Variants in PRELID2 observed in about 807,000 individuals in gnomAD.
PRELID2 encodes PRELI domain containing 2.
Under a neutral mutation model 28.4 loss-of-function variants are expected in PRELID2, and 25 were observed. The observed-to-expected ratio is 0.88, with a 90% CI of 0.64 to 1.23. The LOEUF (loss-of-function observed/expected upper bound fraction) is 1.23. Among genes scored for constraint, PRELID2 ranks in the 50% most tolerant of loss-of-function variants. The pLI is 0.00. For missense variants in PRELID2, 201 were observed against 214.4 expected (o/e 0.94, Z 0.39); for synonymous variants, 76 against 71.6 (o/e 1.06, Z -0.31).
chr5:145,418,616 A>C, the PRELID2 span, among the ~76,000 whole-genome samples: 1 of 152,270 alleles, frequency 6.6e-6, no homozygotes, highest in South Asian at 2.1e-4. Context: ...TCTTCCACAA[A>C]CCTGACAAAA....
intron 1 of PRELID2, among the ~76,000 whole-genome samples, chr5:145,727,314 C>T (rs550633671): frequency 6.6e-6 from 1 of 152,140 alleles, no homozygotes; most frequent in Admixed American, 6.6e-5. Flanking sequence ...GGGTTTTATG[C>T]CCTGGGCTTA....
chr5:145,395,891 T>C, the PRELID2 span, among the ~76,000 whole-genome samples: 2 of 152,102 alleles, frequency 1.3e-5, no homozygotes, highest in Non-Finnish European at 2.9e-5. Flanking sequence ...TAAGTTACCT[T>C]CTGGTGCTGA....
chr5:145,229,749 G>C, the PRELID2 span: 3 of 753,990 alleles, frequency 4.0e-6, no homozygotes, highest in East Asian at 4.9e-5. Context: ...AACCAATCAA[G>C]GCCTGGGCTT....
the PRELID2 span, among the ~76,000 whole-genome samples, chr5:145,427,228 CT>C: frequency 1.3e-5 from 2 of 152,194 alleles, no homozygotes; most frequent in South Asian, 4.1e-4. Context: ...AAGAAAATCC[CT>C]AAGTCTTGGT....
At chr5:145,641,291 A>G (rs946339645) in intron 1 of PRELID2, among the ~76,000 whole-genome samples, 1 of 152,164 alleles carries the variant, frequency 6.6e-6, no homozygotes, top group African/African-American at 2.4e-5. Context: ...CTATAAATCA[A>G]TCAGAAAAAA....
the PRELID2 span, among the ~76,000 whole-genome samples, chr5:145,464,935 T>C: frequency 6.6e-6 from 1 of 152,108 alleles, no homozygotes; most frequent in South Asian, 2.1e-4. Flanking sequence ...CCAAAGAGCC[T>C]AAAGTAAAGT....
intron 1 of PRELID2, among the ~76,000 whole-genome samples, chr5:145,553,948 G>T (rs1034522057): frequency 2.9e-4 from 44 of 152,294 alleles, no homozygotes; most frequent in Non-Finnish European, 3.7e-4. Context: ...GAAGGATCGA[G>T]CATGGTGGCA....
At chr5:145,732,819 C>T (rs1237640345) in intron 1 of PRELID2, among the ~76,000 whole-genome samples, 1 of 151,966 alleles carries the variant, frequency 6.6e-6, no homozygotes, top group Non-Finnish European at 1.5e-5. Context: ...GGGAGGATAG[C>T]ACAGGGGTAG....
chr5:145,423,802 G>A, the PRELID2 span, among the ~76,000 whole-genome samples: 1,188 of 132,014 alleles, frequency 9.0e-3, 18 homozygotes, highest in African/African-American at 0.032. Flanking sequence ...TTTGGAGGAG[G>A]AGAGGCGCTC....
intron 1 of PRELID2, among the ~76,000 whole-genome samples, chr5:145,696,521 C>G (rs1448062492): frequency 6.6e-6 from 1 of 152,130 alleles, no homozygotes; most frequent in Non-Finnish European, 1.5e-5. Context: ...GGCTGTAGTG[C>G]AGTGATCTCT....
At chr5:145,296,164 T>G in the PRELID2 span, among the ~76,000 whole-genome samples, 7 of 151,510 alleles carry the variant, frequency 4.6e-5, no homozygotes, top group Non-Finnish European at 8.8e-5. Context: ...TTGTAGCAGG[T>G]TTTTTTTGGT....
chr5:145,603,891 T>C (rs1753454632), intron 1 of PRELID2, among the ~76,000 whole-genome samples: 1 of 151,974 alleles, frequency 6.6e-6, no homozygotes, highest in African/African-American at 2.4e-5. Context: ...TAAGTAACTT[T>C]CAGTGTACCC....
intron 4 of PRELID2, among the ~76,000 whole-genome samples, chr5:145,801,155 C>T (rs147113997): frequency 2.6e-5 from 4 of 152,094 alleles, no homozygotes; most frequent in East Asian, 1.9e-4. Flanking sequence ...TTGGCCATCA[C>T]CAAAAAGTCT....
intron 4 of PRELID2, among the ~76,000 whole-genome samples, chr5:145,807,329 T>G (rs769312596): frequency 2.0e-5 from 3 of 152,160 alleles, no homozygotes; most frequent in Non-Finnish European, 4.4e-5. Context: ...TCAATTATCA[T>G]TTCCCTTTTC....
At chr5:145,313,805 AGTC>A in the PRELID2 span, among the ~76,000 whole-genome samples, 1 of 152,198 alleles carries the variant, frequency 6.6e-6, no homozygotes, top group African/African-American at 2.4e-5. Context: ...AACTGAGAAA[AGTC>A]AAATAATTTG....
rs377030040 is a variant in PRELID2 at position 145,835,166 on chromosome 5, C to T, written c.75+11G>A. 2.6e-4 allele frequency: 394 copies of T among 1,540,596 alleles called. No individual in the cohort carries two copies. The highest frequency in any genetic ancestry group is 6.1e-4 in the Admixed American group (31 of 50,738). On this transcript the variant is annotated intron_variant, in intron 1 of 6. Coordinates refer to ENST00000683046, the MANE Select transcript of PRELID2 (RefSeq NM_205846.3). ...CAGCGCGGGATACGGAAGGTGGAAGCGGGGCGGTACCTTTCGGAGAAAGCT... is the reference window on the plus strand; with the variant it reads ...CAGCGCGGGATACGGAAGGTGGAAGTGGGGCGGTACCTTTCGGAGAAAGCT...
chr5:145,271,911 C>T, the PRELID2 span, among the ~76,000 whole-genome samples: 2 of 152,152 alleles, frequency 1.3e-5, no homozygotes, highest in Non-Finnish European at 2.9e-5. Context: ...TTGAAAGTCT[C>T]TTCAAATGTG....
At chr5:145,807,651 G>A (rs1286209561) in intron 4 of PRELID2, among the ~76,000 whole-genome samples, 3 of 151,814 alleles carry the variant, frequency 2.0e-5, no homozygotes, top group Non-Finnish European at 4.4e-5. Flanking sequence ...AAATCCTACT[G>A]GGCTTCCCCT....
At chr5:145,308,221 C>T in the PRELID2 span, among the ~76,000 whole-genome samples, 467 of 152,078 alleles carry the variant, frequency 3.1e-3, 1 homozygote, top group African/African-American at 0.011. Flanking sequence ...CCCAGCAGTC[C>T]CAGGATATGC....
Sources: allele counts gnomAD v4.1 joint callset (sites outside exome capture counted in the v4.1 genomes callset), GRCh38; gene constraint gnomAD v4.1.1; transcripts MANE v1.5; gene names NCBI Gene and HGNC (gene_info 2026-07-23, HGNC 2026-07-21).